The following NCAPD3 variants were observed in gnomAD, a reference collection of about 807,000 sequenced individuals.
NCAPD3 encodes the protein non-SMC condensin II complex subunit D3.
NCAPD3 carries 105 observed loss-of-function variants against 182.9 expected under a neutral mutation model. The observed-to-expected ratio is 0.57, with a 90% CI of 0.49 to 0.68. The LOEUF is 0.68. Ranked by LOEUF, NCAPD3 falls within the 30% of genes least tolerant of loss-of-function variation. NCAPD3 has a pLI of 0.00. For synonymous variants in NCAPD3, 815 were observed against 679.9 expected (o/e 1.20, Z -3.09); for missense variants, 1,944 against 1,837.0 (o/e 1.06, Z -1.07).
intron 27 of NCAPD3, among the ~76,000 whole-genome samples, chr11:134,165,842 C>CACTT (rs1565524482): frequency 5.7e-5 from 7 of 122,224 alleles, no homozygotes; most frequent in Non-Finnish European, 8.6e-5. Context: ...GGCGCACACT[C>CACTT]GTGAGATGAG....
intron 29 of NCAPD3, among the ~76,000 whole-genome samples, chr11:134,159,666 C>T (rs1174657046): frequency 2.6e-5 from 4 of 152,230 alleles, no homozygotes; most frequent in Admixed American, 2.6e-4. Context: ...CTGCTGCTGC[C>T]AGCTCGCTTC....
At chr11:134,189,327 T>C (rs142857844) in intron 16 of NCAPD3, among the ~76,000 whole-genome samples, 22 of 152,334 alleles carry the variant, frequency 1.4e-4, no homozygotes, top group Admixed American at 3.9e-4. Context: ...TTTCTTTTCC[T>C]CAAGTTTATT....
At chr11:134,198,465 T>G (rs913240967) in intron 13 of NCAPD3, among the ~76,000 whole-genome samples, 1 of 152,164 alleles carries the variant, frequency 6.6e-6, no homozygotes, top group South Asian at 2.1e-4. Flanking sequence ...CTCCCTAAAG[T>G]GTATAAAACC....
Position 134,204,471 on chromosome 11 carries a change from T to C in NCAPD3, c.1090-300A>G, listed in dbSNP as rs190199465. On this transcript the variant is annotated intron_variant, in intron 9 of 34. Coordinates refer to ENST00000534548, the MANE Select transcript of NCAPD3 (RefSeq NM_015261.3). This position sits in a 1 kb window ranked among gnomAD's most constrained non-coding sequence, Gnocchi z 4.3. ...TCATTTGTCTAAATGGTTATAAAAA[T>C]GTAGAGATCATCATGGAAATTTGAA... Among the ~76,000 whole-genome samples the C allele has an allele frequency of 3.3e-5, 5 of 152,314 alleles. No individual in the cohort carries two copies. The highest frequency in any genetic ancestry group is 2.0e-4 in the Admixed American group (3 of 15,296).
intron 14 of NCAPD3, 38 bp downstream of exon 14, chr11:134,194,627 A>G: frequency 6.9e-7 from 1 of 1,442,980 alleles, no homozygotes; most frequent in Non-Finnish European, 9.5e-7. Flanking sequence ...CCAAGTTTTT[A>G]GTGCTTAAAA....
chr11:134,210,639 TA>T (rs1363560546), intron 3 of NCAPD3, among the ~76,000 whole-genome samples, 185 bp from the exon 4 acceptor site: 1 of 152,156 alleles, frequency 6.6e-6, no homozygotes, highest in Non-Finnish European at 1.5e-5. Context: ...GCATCAGAGG[TA>T]AGTAACAAGA....
At chr11:134,193,000 C>A in intron 15 of NCAPD3, 91 bp from the exon 16 acceptor site, 1 of 737,458 alleles carries the variant, frequency 1.4e-6, no homozygotes, top group South Asian at 1.7e-5. Flanking sequence ...ATAATCACAC[C>A]TTCAACTGCA....
chr11:134,178,878 T>C lies in NCAPD3; in HGVS notation c.2618A>G (p.Lys873Arg), dbSNP rs771619777. 11 of 1,614,030 alleles carry C rather than the reference T, an allele frequency of 6.8e-6. No individual in the cohort carries two copies. The African/African-American group carries it at 9.3e-5, about 14-fold the overall frequency. Residue 873 changes from lysine to arginine, a missense_variant, in exon 21 of 35, where the codon AAG becomes AGG. Physicochemically the swap from Lys to Arg is conservative, Grantham distance 26. This residue lies in a region of NCAPD3 where 1,803 missense variants were observed against 1,674.6 expected (regional missense o/e 1.08). Coordinates refer to ENST00000534548, the MANE Select transcript of NCAPD3 (RefSeq NM_015261.3). ...GGACTGAATCAGAAGGAAGATGCGC[T>C]TCTCCACCCTGGCTGGACACAGCTG... The part of the protein sequence containing the change: ...IAQLCPARVE[K>R]RIFLLIQSVL...
chr11:134,214,736 A>G (rs1937955423), intron 3 of NCAPD3, among the ~76,000 whole-genome samples: 1 of 152,208 alleles, frequency 6.6e-6, no homozygotes, highest in Admixed American at 6.5e-5. Flanking sequence ...AAATTCTACA[A>G]ACATAAACTT....
chr11:134,174,382 C>CAAA lies in NCAPD3; in HGVS notation c.3101+1922_3101+1924dup, dbSNP rs34533048. Reference sequence around the variant, plus strand: ...TGAGCAACAGAATGAGACCCTGTCTCAAAAAAAAAAAAAAAAAAAAAAAAG... The same window carrying CAAA: ...TGAGCAACAGAATGAGACCCTGTCTCAAAAAAAAAAAAAAAAAAAAAAAAAAAG... On this transcript the variant is annotated intron_variant, in intron 24 of 34. Coordinates refer to ENST00000534548, the MANE Select transcript of NCAPD3 (RefSeq NM_015261.3). 8.7e-3 allele frequency among the ~76,000 whole-genome samples: 463 copies of CAAA among 53,064 alleles called. 10 individuals are homozygous for CAAA. The highest frequency in any genetic ancestry group is 0.014 in the African/African-American group (161 of 11,906). 34.8% of individuals were successfully genotyped at this position (53,064 alleles called of 152,430 possible). A position where few individuals can be genotyped will look rare whatever the true frequency, so the allele number is the denominator to read the frequency against.
At chr11:134,224,525 G>T (rs964860495), upstream of NCAPD3, 1 of 152,656 alleles carries the variant, frequency 6.6e-6, no homozygotes, top group Non-Finnish European at 1.5e-5. Context: ...CATGCCGACC[G>T]CTGGAGCGCC....
intron 13 of NCAPD3, among the ~76,000 whole-genome samples, chr11:134,198,123 G>A (rs1286959917): frequency 6.6e-6 from 1 of 152,208 alleles, no homozygotes; most frequent in African/African-American, 2.4e-5. Flanking sequence ...TTCAGACCAT[G>A]ACGGGATGTG....
At position 134,181,147 on chromosome 11, in the gene NCAPD3, G is replaced by A. The variant is rs1458550424; in HGVS notation, c.2489C>T (p.Thr830Ile). The A allele has an allele frequency of 1.9e-6, 3 of 1,614,070 alleles. No individual in the cohort carries two copies. Among genetic ancestry groups the A allele is most frequent in the Non-Finnish European group, 1.7e-6 (2 of 1,179,994 alleles). The change falls in exon 20 of 35, where the codon ACC becomes ATC. Residue 830 changes from threonine (T) to isoleucine (I), a missense_variant. By Grantham distance (89) the Thr-to-Ile change is moderately conservative (BLOSUM62 -1). This residue lies in a region of NCAPD3 where 1,803 missense variants were observed against 1,674.6 expected (regional missense o/e 1.08). Coordinates refer to ENST00000534548, the MANE Select transcript of NCAPD3 (RefSeq NM_015261.3). Reference protein sequence around the residue: ...LTQVCGDVLSTCEHRLSNIVL... With the variant: ...LTQVCGDVLSICEHRLSNIVL... Reference sequence around the variant, plus strand: ...GATGTTGGAGAGGCGGTGCTCGCAGGTGGAGAGTACATCCCCACACACCTG... The same window carrying A: ...GATGTTGGAGAGGCGGTGCTCGCAGATGGAGAGTACATCCCCACACACCTG...
intron 3 of NCAPD3, 89 bp downstream of exon 3, chr11:134,216,847 G>GAAGAAA: frequency 7.3e-7 from 1 of 1,365,054 alleles, no homozygotes; most frequent in Non-Finnish European, 9.9e-7. Context: ...ATTTATAAGT[G>GAAGAAA]AAGAAACAAG....
Position 134,178,951 on chromosome 11 carries a change from G to A in NCAPD3, c.2560-15C>T. ...ATGTACTTCACCTACAAAGATAATTGGTTTTACAGTAAAAATAAGGCAAAA... is the reference window on the plus strand; with the variant it reads ...ATGTACTTCACCTACAAAGATAATTAGTTTTACAGTAAAAATAAGGCAAAA... On this transcript the variant is annotated splice_polypyrimidine_tract_variant and intron_variant, in intron 20 of 34. Coordinates refer to ENST00000534548, the MANE Select transcript of NCAPD3 (RefSeq NM_015261.3). The A allele has an allele frequency of 1.3e-6, 2 of 1,576,120 alleles. No individual in the cohort carries two copies. The highest frequency in any genetic ancestry group is 1.7e-6 in the Non-Finnish European group (2 of 1,146,536).
At chr11:134,222,432 G>A (rs915966499) in intron 1 of NCAPD3, among the ~76,000 whole-genome samples, 2 of 152,176 alleles carry the variant, frequency 1.3e-5, no homozygotes, top group Non-Finnish European at 1.5e-5. Flanking sequence ...ATAGAAGAGA[G>A]GCCACTGAAT....
At chr11:134,167,923 ACT>A (rs1284525495) in intron 27 of NCAPD3, 71 bp downstream of exon 27, 13 of 1,400,630 alleles carry the variant, frequency 9.3e-6, no homozygotes, top group South Asian at 6.3e-5. Flanking sequence ...GGAGGTGCAC[ACT>A]CGTGAGATGA....
chr11:134,178,572 T>G, intron 22 of NCAPD3, 62 bp downstream of exon 22: 1 of 1,293,406 alleles, frequency 7.7e-7, no homozygotes, highest in Non-Finnish European at 1.1e-6. Context: ...TGGCTGGGCT[T>G]ACTTAAGACA....
intron 27 of NCAPD3, among the ~76,000 whole-genome samples, chr11:134,165,974 C>G (rs12099117): frequency 1.7e-4 from 17 of 98,838 alleles, no homozygotes; most frequent in East Asian, 1.0e-3. Flanking sequence ...GGGGCACACT[C>G]AGTGAGATGA....
Sources: allele counts gnomAD v4.1 joint callset (sites outside exome capture counted in the v4.1 genomes callset), GRCh38; gene constraint gnomAD v4.1.1; regional missense constraint gnomAD v4.1.1; non-coding constraint Gnocchi (gnomAD v3.1); transcripts MANE v1.5; gene names NCBI Gene and HGNC (gene_info 2026-07-23, HGNC 2026-07-21).